NIN: variants seen among roughly 807,000 people sequenced by gnomAD.
The protein encoded by NIN is ninein.
A neutral mutation model predicts 257.6 loss-of-function variants in NIN; 137 were observed. That is an observed-to-expected ratio of 0.53 (90% CI 0.46 to 0.61). The LOEUF is 0.61. NIN is among the 20% of genes least tolerant of loss of function. The probability of loss-of-function intolerance (pLI) is 0.00; values close to 1 mark genes in which losing one functional copy is unlikely to be tolerated. For missense variants in NIN, 2,439 were observed against 2,501.2 expected, an observed-to-expected ratio of 0.98 and a Z score of 0.53; for synonymous variants, 918 against 919.8, an observed-to-expected ratio of 1.00 and a Z score of 0.04.
rs776968871 is a variant in NIN at position 50,766,339 on chromosome 14, G to T, written c.1603C>A (p.Gln535Lys). The T allele has an allele frequency of 6.2e-7, 1 of 1,613,936 alleles. No individual in the cohort carries two copies. The highest frequency in any genetic ancestry group is 1.1e-5 in the South Asian group (1 of 91,076). Reference sequence around the variant, plus strand: ...TGCCGCTCATATTCATTTCTCATCTGTGTCAGTCTCTCTTCTTGCAGGAAG... The same window carrying T: ...TGCCGCTCATATTCATTTCTCATCTTTGTCAGTCTCTCTTCTTGCAGGAAG... Reference protein sequence around the residue: ...EFFLQEERLTQMRNEYERQCR... With the variant: ...EFFLQEERLTKMRNEYERQCR... Residue 535 changes from glutamine to lysine, a missense_variant, in exon 14 of 31, where the codon CAG (glutamine) becomes AAG (lysine). By Grantham distance (53) the Gln-to-Lys change is moderately conservative. Around this residue, in one of 3 missense-constraint regions of NIN, gnomAD observed 2,043 missense variants for 2,050.2 expected, o/e 1.00. Coordinates refer to ENST00000530997, the MANE Select transcript of NIN (RefSeq NM_020921.4).
At position 50,758,562 on chromosome 14, in the gene NIN, T is replaced by C. The variant is rs1197361038; in HGVS notation, c.2468A>G (p.Gln823Arg). 1.2e-6 allele frequency: 2 copies of C among 1,611,934 alleles called. No individual in the cohort carries two copies. Among genetic ancestry groups the C allele is most frequent in the South Asian group, 1.1e-5 (1 of 90,626 alleles). The change falls in exon 18 of 31, where the codon CAG becomes CGG. Residue 823 changes from glutamine (Q) to arginine (R), a missense_variant. Gln to Arg is a conservative substitution (Grantham distance 43, BLOSUM62 1). Transcript: ENST00000530997. Reference sequence around the variant, plus strand: ...GCTTTCACACCTCTCAGTGACTTTCTGACAATCAGACTGAAACTGGGCTTC... The same window carrying C: ...GCTTTCACACCTCTCAGTGACTTTCCGACAATCAGACTGAAACTGGGCTTC... ...QIEAQFQSDC[Q>R]KVTERCESAL...
chr14:50,791,914 C>G (rs532678364), intron 5 of NIN: 15 of 152,140 alleles, frequency 9.9e-5, no homozygotes, highest in African/African-American at 3.6e-4. Context: ...ATATTAGTAT[C>G]TGAAATATCT....
chr14:50,729,634 C>G lies in NIN; in HGVS notation c.5967G>C (p.Val1989=). 4.3e-6 allele frequency: 7 copies of G among 1,614,036 alleles called. No individual in the cohort carries two copies. The highest frequency in any genetic ancestry group is 5.1e-6 in the Non-Finnish European group (6 of 1,179,968). Residue 1989 remains valine (V), a synonymous_variant, in exon 29 of 31, where the codon GTG becomes GTC. Transcript: ENST00000530997. ...GAAGCTGCAGAAACTGCTCCCTGGGCACCATCGGACAGGCTTGCTGCTGGA... is the reference window on the plus strand; with the variant it reads ...GAAGCTGCAGAAACTGCTCCCTGGGGACCATCGGACAGGCTTGCTGCTGGA... ...QLLQQQACPM[V]PREQFLQLQR...
rs2042695445 is a variant in NIN at position 50,770,751 on chromosome 14, C to G, written c.1259+101G>C. The G allele has an allele frequency of 2.8e-6, 4 of 1,438,240 alleles. No homozygotes were observed. In the African/African-American group the frequency reaches 5.7e-5, roughly 20 times the overall value. 89.1% of individuals were successfully genotyped at this position (1,438,240 alleles called of 1,614,324 possible). On this transcript the variant is annotated intron_variant, in intron 11 of 30. Coordinates refer to ENST00000530997, the MANE Select transcript of NIN (RefSeq NM_020921.4). The stretch of plus-strand genomic sequence containing the variant: ...AGCAAGGTGTGGCCAACAGGCTGAC[C>G]AGAAGAGTCCCCAGTGCACTGTTCT...
At chr14:50,815,727 C>T (rs2044860978) in intron 3 of NIN, among the ~76,000 whole-genome samples, 2 of 152,042 alleles carry the variant, frequency 1.3e-5, no homozygotes, top group Admixed American at 6.6e-5. Context: ...GGAACAAAAT[C>T]GGTGGGGCAT....
chr14:50,735,061 A>G (rs1229230437), intron 28 of NIN, among the ~76,000 whole-genome samples: 1 of 152,198 alleles, frequency 6.6e-6, no homozygotes, highest in Non-Finnish European at 1.5e-5. Flanking sequence ...AATGAAGAAT[A>G]GCAGCACTTG....
chr14:50,771,956 A>T, intron 9 of NIN: 1 of 222,402 alleles, frequency 4.5e-6, no homozygotes, highest in Non-Finnish European at 9.0e-6. Context: ...GTTATACTCC[A>T]GTCCAGGTGA....
intron 25 of NIN, among the ~76,000 whole-genome samples, chr14:50,739,911 C>G (rs1392695668): frequency 2.0e-5 from 3 of 152,202 alleles, no homozygotes; most frequent in Non-Finnish European, 4.4e-5. Context: ...ACTGCCAACT[C>G]AAAAGCTTTC....
intron 5 of NIN, among the ~76,000 whole-genome samples, chr14:50,780,555 T>G (rs2043095634): frequency 6.6e-6 from 1 of 152,236 alleles, no homozygotes. Flanking sequence ...TACGCTCATC[T>G]ACTTTATTCT....
At chr14:50,747,965 ACCCC>A (rs760123634) in intron 22 of NIN, 23 bp downstream of exon 22, 25 of 1,462,028 alleles carry the variant, frequency 1.7e-5, no homozygotes. Flanking sequence ...TGTTCTGTGA[ACCCC>A]CCTTAGCTGC....
chr14:50,730,228 T>C (rs1233855123), intron 28 of NIN, among the ~76,000 whole-genome samples: 2 of 152,182 alleles, frequency 1.3e-5, no homozygotes, highest in African/African-American at 4.8e-5. Context: ...CTTTAGTTTA[T>C]CAATATGTAA....
chr14:50,824,742 G>A (rs1415289540), intron 2 of NIN, among the ~76,000 whole-genome samples: 1 of 152,158 alleles, frequency 6.6e-6, no homozygotes, highest in Non-Finnish European at 1.5e-5. Flanking sequence ...CACTCCTTGA[G>A]AGGAAACGTA....
intron 5 of NIN, 127 bp from the exon 6 acceptor site, chr14:50,778,931 A>T: frequency 1.0e-6 from 1 of 956,946 alleles, no homozygotes; most frequent in Admixed American, 1.9e-5. Flanking sequence ...TAATTTCAGG[A>T]CTCTCTAGTG....
chr14:50,773,111 C>T lies in NIN; in HGVS notation c.667-16G>A, dbSNP rs375520987. On this transcript the variant is annotated splice_polypyrimidine_tract_variant and intron_variant, in intron 7 of 30. Coordinates refer to ENST00000530997, the MANE Select transcript of NIN (RefSeq NM_020921.4). ...CCTCGAGCATCTAGAAAAGAGTCAT[C>T]ACATATTTTAAATACTCCATTCAAG... 2.9e-5 allele frequency: 47 copies of T among 1,605,852 alleles called. No homozygotes were observed. The highest frequency in any genetic ancestry group is 1.7e-4 in the Middle Eastern group (1 of 6,052).
chr14:50,804,482 TTG>T (rs1186283939), intron 4 of NIN, among the ~76,000 whole-genome samples: 3 of 152,182 alleles, frequency 2.0e-5, no homozygotes, highest in Non-Finnish European at 4.4e-5. Context: ...TGGAGCAGTT[TTG>T]TGACGAAGAC....
chr14:50,755,815 C>A (rs374913084), intron 18 of NIN, among the ~76,000 whole-genome samples: 8 of 151,936 alleles, frequency 5.3e-5, no homozygotes, highest in Non-Finnish European at 1.0e-4. Flanking sequence ...CAGGTGTGCA[C>A]CACCACGCCC....
chr14:50,752,845 A>T lies in NIN; in HGVS notation c.4735-112T>A, dbSNP rs535559595. On this transcript the variant is annotated intron_variant, in intron 20 of 30. Transcript: ENST00000530997. ...TTTTCCCTCTTTATATAAAGTTTAA[A>T]ATATATATATATTTCAAAACAGAAA... The T allele has an allele frequency of 1.1e-4, 60 of 571,362 alleles. No individual in the cohort carries two copies. In the South Asian group the frequency reaches 1.5e-3, roughly 14 times the overall value. The allele number at this position is 571,362 out of a possible 1,614,324, so 35.4% of individuals were successfully genotyped here.
At chr14:50,724,309 T>C (rs2040334561) in intron 30 of NIN, 2 of 209,244 alleles carry the variant, frequency 9.6e-6, no homozygotes, top group Non-Finnish European at 1.9e-5. Flanking sequence ...CAGTCCCCCT[T>C]CCCATGTTAC....
Position 50,739,997 on chromosome 14 carries a change from T to C in NIN, c.5449-510A>G, listed in dbSNP as rs568259962. Among the ~76,000 whole-genome samples the C allele has an allele frequency of 4.6e-5, 7 of 152,300 alleles. No homozygotes were observed. In the East Asian group the frequency reaches 1.3e-3, roughly 29 times the overall value. On this transcript the variant is annotated intron_variant, in intron 25 of 30. Transcript: ENST00000530997. The stretch of plus-strand genomic sequence containing the variant: ...TAGAATCCAAAGCACATATTGTCCA[T>C]GTAATTAACGTCTGAATTCAGAAAT...
Sources: gnomAD v4.1 joint callset for allele counts (sites outside exome capture counted in the v4.1 genomes callset) on GRCh38, gnomAD v4.1.1 for gene constraint, gnomAD v4.1.1 regional missense constraint, MANE v1.5 for transcripts, NCBI Gene and HGNC (gene_info 2026-07-23, HGNC 2026-07-21) for gene names.